SERPINB9: variants seen among roughly 807,000 people sequenced by gnomAD.
SERPINB9 encodes the protein serpin family B member 9.
Under a neutral mutation model 27.2 loss-of-function variants are expected in SERPINB9, and 20 were observed. The observed-to-expected ratio is 0.74, with a 90% confidence interval of 0.52 to 1.07. The LOEUF (loss-of-function observed/expected upper bound fraction) is 1.07, where lower values mean the gene tolerates loss of function less well. SERPINB9 is among the 50% of genes least tolerant of loss of function. The pLI, the probability that SERPINB9 is intolerant of heterozygous loss-of-function variation, is 0.00. For synonymous variants in SERPINB9, 189 were observed against 180.0 expected, an observed-to-expected ratio of 1.05 and a Z score of -0.40; for missense variants, 476 against 460.1, an observed-to-expected ratio of 1.03 and a Z score of -0.32.
chr6:2,895,922 G>GAA, intron 3 of SERPINB9, 131 bp downstream of exon 3: 2 of 954,084 alleles, frequency 2.1e-6, no homozygotes, highest in Non-Finnish European at 3.0e-6. Flanking sequence ...CCCCATCTTA[G>GAA]AAAAAAAAAT....
rs552033616 is a variant in SERPINB9, at chr6:2,891,377, T to C, written c.723+456A>G. Among the ~76,000 whole-genome samples, 5 of 152,322 alleles carry C rather than the reference T, an allele frequency of 3.3e-5. No individual in the cohort carries two copies. In the East Asian group the frequency reaches 9.6e-4, roughly 29 times the overall value. ...AGCATAATGCTAAGAATGATGATTG[T>C]AATAATGGATCACATTTGTAGAGCA... On this transcript the variant is annotated intron_variant, in intron 6 of 6. Coordinates refer to ENST00000380698, the MANE Select transcript of SERPINB9 (RefSeq NM_004155.6). This position sits in a 1 kb window ranked among gnomAD's most constrained non-coding sequence, Gnocchi z 4.0.
rs376351087 is a variant in SERPINB9 at position 2,891,842 on chromosome 6, C to T, written c.714G>A (p.Glu238=). 6.2e-6 allele frequency: 10 copies of T among 1,604,894 alleles called. No homozygotes were observed. The highest frequency in any genetic ancestry group is 2.7e-5 in the African/African-American group (2 of 74,698). ...GCAGCCCGGGTCTTACCGTGCTGAG[C>T]TCCACGCCGTCGTCAGGCAGCAGCA... is the stretch of plus-strand genomic sequence containing the variant. ...LLVLLPDDGV[E]LSTVEKSLTF... is the part of the protein sequence containing the mutation. The change falls in exon 6 of 7, where the codon GAG becomes GAA. Residue 238 remains glutamate (E), a synonymous_variant. Coordinates refer to ENST00000380698, the MANE Select transcript of SERPINB9 (RefSeq NM_004155.6). The surrounding 1 kb of genome is among the most constrained non-coding windows in gnomAD (Gnocchi z 4.0).
At chr6:2,893,372 C>A (rs765073294) in intron 5 of SERPINB9, 39 bp downstream of exon 5, 2 of 1,576,414 alleles carry the variant, frequency 1.3e-6, no homozygotes, top group Non-Finnish European at 8.6e-7. Context: ...CATTCAACTT[C>A]TTCATCAAAC....
intron 1 of SERPINB9, among the ~76,000 whole-genome samples, chr6:2,902,940 T>C (rs1056065489): frequency 3.3e-5 from 5 of 152,140 alleles, no homozygotes; most frequent in African/African-American, 9.7e-5. Flanking sequence ...AGGGGAGGGC[T>C]TCGGCCAGGG....
rs776371410 is a variant in SERPINB9 at position 2,900,659 on chromosome 6, C to A, written c.-10-38G>T. ...AATAAAGAGAAATGCAGTTTCCACACTCCCTGAATGTTACTGACCTACTTA... is the reference window on the plus strand; with the variant it reads ...AATAAAGAGAAATGCAGTTTCCACAATCCCTGAATGTTACTGACCTACTTA... On this transcript the variant is annotated intron_variant, in intron 1 of 6. Coordinates refer to ENST00000380698, the MANE Select transcript of SERPINB9 (RefSeq NM_004155.6). 4 of 1,579,036 alleles carry A rather than the reference C, an allele frequency of 2.5e-6. No homozygotes were observed. The Admixed American group carries it at 6.7e-5, about 27-fold the overall frequency.
chr6:2,890,227 A>C lies in SERPINB9; in HGVS notation c.1067T>G (p.Leu356Arg). ...GPRFCADHPFLFFIRHNRANS... is the reference protein window; with the variant it reads ...GPRFCADHPFRFFIRHNRANS... ...GGCTCTGTTGTGCCTGATGAAGAAA[A>C]GGAAAGGGTGGTCAGCACAGAACCT... is the stretch of plus-strand genomic sequence containing the variant. The change falls in exon 7 of 7, where the codon CTT becomes CGT. Residue 356 changes from leucine to arginine, a missense_variant. By Grantham distance (102) the Leu-to-Arg change is moderately radical (BLOSUM62 -2). Coordinates refer to ENST00000380698, the MANE Select transcript of SERPINB9 (RefSeq NM_004155.6). The surrounding 1 kb of genome is among the most constrained non-coding windows in gnomAD (Gnocchi z 6.2). The C allele has an allele frequency of 6.2e-7, 1 of 1,614,222 alleles. No homozygotes were observed. The highest frequency in any genetic ancestry group is 8.5e-7 in the Non-Finnish European group (1 of 1,180,042).
chr6:2,895,226 A>T (rs999965833), intron 4 of SERPINB9, among the ~76,000 whole-genome samples, 165 bp downstream of exon 4: 1 of 152,108 alleles, frequency 6.6e-6, no homozygotes, highest in Non-Finnish European at 1.5e-5. Context: ...AACACCCGTG[A>T]AATTAGAGGG....
At chr6:2,895,973 T>A in intron 3 of SERPINB9, 80 bp downstream of exon 3, 1 of 1,428,940 alleles carries the variant, frequency 7.0e-7, no homozygotes, top group Non-Finnish European at 9.4e-7. Context: ...ATTTCTCAAT[T>A]TCTCTAGGGT....
Position 2,890,062 on chromosome 6 carries a change from ATCT to A in SERPINB9, c.*98_*100del. 8.3e-7 allele frequency: 1 copy of A among 1,199,878 alleles called. No homozygotes were observed. The highest frequency in any genetic ancestry group is 1.2e-6 in the Non-Finnish European group (1 of 859,142). 74.3% of individuals were successfully genotyped at this position (1,199,878 alleles called of 1,614,324 possible). A position where few individuals can be genotyped will look rare whatever the true frequency, so the allele number is the denominator to read the frequency against. ...GCAGACAGGTAAAGAATCTGCCCTC[ATCT>A]TTGCACTTGGCTTTCTAGGCCCATC... On this transcript the variant is annotated 3_prime_UTR_variant, in exon 7 of 7. Transcript: ENST00000380698. This position sits in a 1 kb window ranked among gnomAD's most constrained non-coding sequence, Gnocchi z 6.2.
rs978759006 is a variant in SERPINB9 at position 2,894,941 on chromosome 6, G to T, written c.424+450C>A. Among the ~76,000 whole-genome samples the T allele has an allele frequency of 6.3e-4, 18 of 28,574 alleles. No individual in the cohort carries two copies. The highest frequency in any genetic ancestry group is 1.9e-3 in the East Asian group (1 of 528). 18.7% of individuals were successfully genotyped at this position (28,574 alleles called of 152,430 possible). ...TGTATTTTTAGTAGAGATGTTGGGC[G>T]GGGGGGGGTCCCACCATGTTGGTCA... On this transcript the variant is annotated intron_variant, in intron 4 of 6. Transcript: ENST00000380698. The surrounding 1 kb of genome is among the most constrained non-coding windows in gnomAD (Gnocchi z 4.7).
chr6:2,890,275 T>C lies in SERPINB9; in HGVS notation c.1019A>G (p.Glu340Gly), dbSNP rs1561642471. 1.2e-6 allele frequency: 2 copies of C among 1,614,210 alleles called. No homozygotes were observed. The highest frequency in any genetic ancestry group is 1.7e-6 in the Non-Finnish European group (2 of 1,180,032). ...CCTGGGGCCAGATTCCATGCAGCAC[T>C]CTGCAACTACAAAGCAGCTCGACGC... is the stretch of plus-strand genomic sequence containing the variant. ...AAASSCFVVA[E>G]CCMESGPRFC... is the part of the protein sequence containing the mutation. The change falls in exon 7 of 7, where the codon GAG becomes GGG. Residue 340 changes from glutamate to glycine, a missense_variant. Glu to Gly is a moderately conservative substitution (Grantham distance 98). Coordinates refer to ENST00000380698, the MANE Select transcript of SERPINB9 (RefSeq NM_004155.6). The surrounding 1 kb of genome is among the most constrained non-coding windows in gnomAD (Gnocchi z 6.2).
chr6:2,893,607 A>C, intron 4 of SERPINB9, 54 bp from the exon 5 acceptor site: 1 of 1,485,402 alleles, frequency 6.7e-7, no homozygotes, highest in Non-Finnish European at 9.3e-7. Context: ...AACCTGATGC[A>C]TTGGATGATC....
chr6:2,893,399 A>G lies in SERPINB9; in HGVS notation c.567+12T>C, dbSNP rs754421132. ...TCATCAAACTAGCAGGATTTTAAAAAGCTTCCCCCACCTGGTTTATTTTAA... is the reference window on the plus strand; with the variant it reads ...TCATCAAACTAGCAGGATTTTAAAAGGCTTCCCCCACCTGGTTTATTTTAA... On this transcript the variant is annotated intron_variant, in intron 5 of 6. Coordinates refer to ENST00000380698, the MANE Select transcript of SERPINB9 (RefSeq NM_004155.6). 1 of 1,591,832 alleles carries G rather than the reference A, an allele frequency of 6.3e-7. No individual in the cohort carries two copies. The highest frequency in any genetic ancestry group is 8.6e-7 in the Non-Finnish European group (1 of 1,168,538).
rs1767658061 is a variant in SERPINB9 at position 2,888,134 on chromosome 6, C to A, written c.*2029G>T. 6.6e-6 allele frequency: 1 copy of A among 152,034 alleles called. No individual in the cohort carries two copies. The highest frequency in any genetic ancestry group is 1.9e-4 in the East Asian group (1 of 5,200). The allele number at this position is 152,034 out of a possible 1,614,324, so 9.4% of individuals were successfully genotyped here. The stretch of plus-strand genomic sequence containing the variant: ...ACAATGAGATACCACTTCACACCCA[C>A]TAAGATGGCCATAACTTATTTTTTT... On this transcript the variant is annotated 3_prime_UTR_variant, in exon 7 of 7. Coordinates refer to ENST00000380698, the MANE Select transcript of SERPINB9 (RefSeq NM_004155.6).
Position 2,890,376 on chromosome 6 carries a change from C to T in SERPINB9, c.918G>A (p.Glu306=). The part of the protein sequence containing the change: ...GKADLSAMSA[E]RDLCLSKFVH... ...CGAACTTGGACAGACACAGGTCTCT[C>T]TCCGCTGACATTGCCGACAAGTCAG... Residue 306 remains glutamate (E), a synonymous_variant, in exon 7 of 7, where the codon GAG becomes GAA. Coordinates refer to ENST00000380698, the MANE Select transcript of SERPINB9 (RefSeq NM_004155.6). The surrounding 1 kb of genome is among the most constrained non-coding windows in gnomAD (Gnocchi z 6.2). The T allele has an allele frequency of 6.2e-7, 1 of 1,614,230 alleles. No homozygotes were observed. Among genetic ancestry groups the T allele is most frequent in the South Asian group, 1.1e-5 (1 of 91,082 alleles).
rs1767730456 is a variant in SERPINB9 at position 2,889,954 on chromosome 6, T to C, written c.*209A>G. On this transcript the variant is annotated 3_prime_UTR_variant, in exon 7 of 7. Coordinates refer to ENST00000380698, the MANE Select transcript of SERPINB9 (RefSeq NM_004155.6). ...GCAATTTTAATACAACAGGGAATCA[T>C]TATGGTCTATTTTCTCAAGATTCTG... 2.1e-6 allele frequency: 1 copy of C among 470,588 alleles called. No homozygotes were observed. Among genetic ancestry groups the C allele is most frequent in the Non-Finnish European group, 3.7e-6 (1 of 266,950 alleles). 29.2% of individuals were successfully genotyped at this position (470,588 alleles called of 1,614,324 possible).
intron 5 of SERPINB9, 73 bp from the exon 6 acceptor site, chr6:2,892,061 A>T (rs1767822176): frequency 2.3e-6 from 3 of 1,330,344 alleles, no homozygotes; most frequent in Non-Finnish European, 3.0e-6. Context: ...GAGTGTTTTC[A>T]GCACCTGTGA....
At position 2,888,402 on chromosome 6, in the gene SERPINB9, C is replaced by G. The variant is rs1374093545; in HGVS notation, c.*1761G>C. ...AGGTACACAAACATTCATAGCAGCA[C>G]TATTCCCAATAGCCAAAAGTCAGAA... On this transcript the variant is annotated 3_prime_UTR_variant, in exon 7 of 7. Transcript: ENST00000380698. 6.6e-6 allele frequency: 1 copy of G among 152,226 alleles called. No homozygotes were observed. The highest frequency in any genetic ancestry group is 1.5e-5 in the Non-Finnish European group (1 of 68,044). 9.4% of individuals were successfully genotyped at this position (152,226 alleles called of 1,614,324 possible).
intron 1 of SERPINB9, among the ~76,000 whole-genome samples, chr6:2,901,571 T>A (rs1037071878): frequency 5.9e-5 from 9 of 151,998 alleles, no homozygotes; most frequent in African/African-American, 2.2e-4. Flanking sequence ...GAGACCAAAG[T>A]GTGAATGTGA....
Sources: gnomAD v4.1 joint callset for allele counts (sites outside exome capture counted in the v4.1 genomes callset) on GRCh38, gnomAD v4.1.1 for gene constraint, Gnocchi (gnomAD v3.1) non-coding constraint, MANE v1.5 for transcripts, NCBI Gene and HGNC (gene_info 2026-07-23, HGNC 2026-07-21) for gene names.